Variants in PTCD1 observed in about 807,000 individuals in gnomAD.
PTCD1 encodes pentatricopeptide repeat domain 1, also known as pentatricopeptide repeat-containing protein 1, mitochondrial.
PTCD1 carries 50 observed loss-of-function variants against 53.4 expected under a neutral mutation model. The ratio of observed to expected loss-of-function variants is 0.94; its 90% CI spans 0.75 to 1.19. The LOEUF (loss-of-function observed/expected upper bound fraction) is 1.19. PTCD1 is among the 50% of genes most tolerant of loss of function. The pLI, the probability that PTCD1 is intolerant of heterozygous loss-of-function variation, is 0.00. For missense variants in PTCD1, 918 were observed against 904.8 expected (o/e 1.01, Z -0.19); for synonymous variants, 413 against 394.8 (o/e 1.05, Z -0.55).
At chr7:99,427,362 A>G (rs1796085478) in intron 5 of PTCD1, among the ~76,000 whole-genome samples, 1 of 139,934 alleles carries the variant, frequency 7.1e-6, no homozygotes, top group Non-Finnish European at 1.5e-5. Flanking sequence ...GTGGGGGGTC[A>G]GCCCCCCGCC....
rs763946361 is a variant in PTCD1 at position 99,417,501 on chromosome 7, A to G, written c.*2466T>C. On this transcript the variant is annotated 3_prime_UTR_variant, in exon 8 of 8. Coordinates refer to ENST00000292478, the MANE Select transcript of PTCD1 (RefSeq NM_015545.4). Reference sequence around the variant, plus strand: ...ATTGCAAAATGGAAAAAGCAAGGATATGAGAACTTGTGCTGCCTGCGGTGC... The same window carrying G: ...ATTGCAAAATGGAAAAAGCAAGGATGTGAGAACTTGTGCTGCCTGCGGTGC... 2 of 1,611,870 alleles carry G rather than the reference A, an allele frequency of 1.2e-6. No homozygotes were observed. The highest frequency in any genetic ancestry group is 1.7e-6 in the Non-Finnish European group (2 of 1,178,546).
At chr7:99,425,728 G>T in intron 5 of PTCD1, 112 bp from the exon 6 acceptor site, 1 of 1,397,344 alleles carries the variant, frequency 7.2e-7, no homozygotes, top group Non-Finnish European at 9.8e-7. Flanking sequence ...GATCCCTTGA[G>T]ATCAGGAGTT....
rs911202630 is a variant in PTCD1 at position 99,425,110 on chromosome 7, G to A, written c.1422C>T (p.Phe474=). The change falls in exon 6 of 8, where the codon TTC becomes TTT. Residue 474 remains phenylalanine (F), a synonymous_variant. Transcript: ENST00000292478. ...RLALIGGLEG[F]LSKMAEHRQQ... ...GCCTGTGCTCTGCCATCTTGCTCAG[G>A]AAGCCCTCCAGGCCCCCTATCAAGG... 6.2e-7 allele frequency: 1 copy of A among 1,614,026 alleles called. No individual in the cohort carries two copies. Among genetic ancestry groups the A allele is most frequent in the Non-Finnish European group, 8.5e-7 (1 of 1,179,998 alleles).
intron 3 of PTCD1, among the ~76,000 whole-genome samples, chr7:99,430,787 C>T (rs1357751002): frequency 6.6e-6 from 1 of 152,212 alleles, no homozygotes; most frequent in Non-Finnish European, 1.5e-5. Context: ...AAAACAGTAA[C>T]AAGGCTGGGT....
rs894877930 is a variant in PTCD1, at chr7:99,419,879, C to A, written c.*88G>T. ...GCTGTTCCTCAGGGCCTGGCTCTTC[C>A]CCCAGGCAGGAGGTGACACCAGCTC... is the stretch of plus-strand genomic sequence containing the variant. On this transcript the variant is annotated 3_prime_UTR_variant, in exon 8 of 8. Coordinates refer to ENST00000292478, the MANE Select transcript of PTCD1 (RefSeq NM_015545.4). 3 of 1,597,900 alleles carry A rather than the reference C, an allele frequency of 1.9e-6. No homozygotes were observed. The highest frequency in any genetic ancestry group is 1.1e-5 in the South Asian group (1 of 90,228).
intron 4 of PTCD1, 65 bp from the exon 5 acceptor site, chr7:99,429,269 C>CT: frequency 1.3e-6 from 2 of 1,589,300 alleles, no homozygotes; most frequent in Non-Finnish European, 1.7e-6. Context: ...TAGCTCATGT[C>CT]TGTAATCCTG....
chr7:99,429,483 C>G, intron 4 of PTCD1, 105 bp downstream of exon 4: 1 of 1,541,510 alleles, frequency 6.5e-7, no homozygotes, highest in Non-Finnish European at 8.9e-7. Context: ...GCTGTCTCAT[C>G]CTCCCTAAGC....
chr7:99,437,138 T>A (rs1441071901), intron 1 of PTCD1, among the ~76,000 whole-genome samples: 1 of 152,212 alleles, frequency 6.6e-6, no homozygotes, highest in Non-Finnish European at 1.5e-5. Context: ...AGTGTTGGGA[T>A]TGCAGGCGTA....
In PTCD1 at chr7:99,418,019, G is replaced by A. The variant is rs1445319021; in HGVS notation, c.*1948C>T. ...GTCTTGCTTTGTCGCCCAGGCTGGA[G>A]TGCAGTGATGCCATCTTGGCTCACT... On this transcript the variant is annotated 3_prime_UTR_variant, in exon 8 of 8. Coordinates refer to ENST00000292478, the MANE Select transcript of PTCD1 (RefSeq NM_015545.4). The A allele has an allele frequency of 8.7e-7, 1 of 1,145,054 alleles. No individual in the cohort carries two copies. The highest frequency in any genetic ancestry group is 1.1e-6 in the Non-Finnish European group (1 of 921,686). The allele number at this position is 1,145,054 out of a possible 1,614,324, so 70.9% of individuals were successfully genotyped here.
chr7:99,429,321 G>A (rs976365862), intron 4 of PTCD1, 117 bp from the exon 5 acceptor site: 4 of 1,358,418 alleles, frequency 2.9e-6, no homozygotes, highest in East Asian at 2.4e-5. Flanking sequence ...TTGAGGCCAG[G>A]AGTTTTGTGA....
chr7:99,416,995 C>T lies in PTCD1; in HGVS notation c.*2972G>A, dbSNP rs1053382926. On this transcript the variant is annotated 3_prime_UTR_variant, in exon 8 of 8. Transcript: ENST00000292478. ...GTGCTGGGATTACAGGTGTGAGGCA[C>T]CTTGCCTGGCCTAAGTACTTTTTTT... 4.1e-5 allele frequency: 7 copies of T among 170,674 alleles called. No homozygotes were observed. Among genetic ancestry groups the T allele is most frequent in the Non-Finnish European group, 6.4e-5 (5 of 78,510 alleles). The allele number at this position is 170,674 out of a possible 1,614,324, so 10.6% of individuals were successfully genotyped here.
chr7:99,434,120 G>A (rs189785073), intron 2 of PTCD1, among the ~76,000 whole-genome samples: 5 of 151,444 alleles, frequency 3.3e-5, no homozygotes, highest in African/African-American at 1.2e-4. Flanking sequence ...AAGACACACA[G>A]TATATCAAGT....
Position 99,419,839 on chromosome 7 carries a change from C to A in PTCD1, c.*128G>T. 1 of 1,512,954 alleles carries A rather than the reference C, an allele frequency of 6.6e-7. No individual in the cohort carries two copies. The highest frequency in any genetic ancestry group is 9.0e-7 in the Non-Finnish European group (1 of 1,112,244). 93.7% of individuals were successfully genotyped at this position (1,512,954 alleles called of 1,614,324 possible). On this transcript the variant is annotated 3_prime_UTR_variant, in exon 8 of 8. Coordinates refer to ENST00000292478, the MANE Select transcript of PTCD1 (RefSeq NM_015545.4). ...GCCTAGTGTGTGTCCTCACCAACAC[C>A]TGTGACACGCTGCGGCTGTTCCTCA...
rs1795565259 is a variant in PTCD1, at chr7:99,417,466, C to T, written c.*2501G>A. 6.2e-7 allele frequency: 1 copy of T among 1,612,344 alleles called. No homozygotes were observed. The highest frequency in any genetic ancestry group is 8.5e-7 in the Non-Finnish European group (1 of 1,179,382). ...ATTGTATTAAAGAAGGCTATGCAGACAAAAACCTGATTGCAAAATGGAAAA... is the reference window on the plus strand; with the variant it reads ...ATTGTATTAAAGAAGGCTATGCAGATAAAAACCTGATTGCAAAATGGAAAA... On this transcript the variant is annotated 3_prime_UTR_variant, in exon 8 of 8. Coordinates refer to ENST00000292478, the MANE Select transcript of PTCD1 (RefSeq NM_015545.4).
rs1477845818 is a variant in PTCD1 at position 99,419,053 on chromosome 7, G to C, written c.*914C>G. The C allele has an allele frequency of 6.3e-6, 2 of 317,200 alleles. No homozygotes were observed. The highest frequency in any genetic ancestry group is 1.6e-4 in the East Asian group (2 of 12,488). The allele number at this position is 317,200 out of a possible 1,614,324, so 19.6% of individuals were successfully genotyped here. A position where few individuals can be genotyped will look rare whatever the true frequency, so the allele number is the denominator to read the frequency against. The stretch of plus-strand genomic sequence containing the variant: ...CCCCTGAAGTCCCCAAACAGTAGCA[G>C]AGCCACGTCTGCTCATCGCAGGGTC... On this transcript the variant is annotated 3_prime_UTR_variant, in exon 8 of 8. Transcript: ENST00000292478.
chr7:99,427,812 C>T (rs946527696), intron 5 of PTCD1, among the ~76,000 whole-genome samples: 2 of 151,580 alleles, frequency 1.3e-5, no homozygotes, highest in Non-Finnish European at 2.9e-5. Flanking sequence ...TACCCCCAAC[C>T]CTGTGCTCTC....
intron 5 of PTCD1, 95 bp downstream of exon 5, chr7:99,429,008 T>G: frequency 1.4e-6 from 2 of 1,411,338 alleles, no homozygotes; most frequent in Non-Finnish European, 2.0e-6. Context: ...ATAAAAATAC[T>G]CAGCACAGGG....
intron 5 of PTCD1, among the ~76,000 whole-genome samples, chr7:99,427,263 G>T (rs1254420142): frequency 1.3e-5 from 2 of 148,962 alleles, no homozygotes; most frequent in African/African-American, 5.0e-5. Flanking sequence ...TGGGAAGTGA[G>T]GAGCCCCTCT....
chr7:99,424,613 C>A (rs1795946557), intron 6 of PTCD1, among the ~76,000 whole-genome samples, 182 bp downstream of exon 6: 2 of 152,228 alleles, frequency 1.3e-5, no homozygotes, highest in Non-Finnish European at 2.9e-5. Context: ...GAAGCACTCA[C>A]TGGGGTCTGC....
Sources: gnomAD v4.1 joint callset for allele counts (sites outside exome capture counted in the v4.1 genomes callset) on GRCh38, gnomAD v4.1.1 for gene constraint, MANE v1.5 for transcripts, NCBI Gene and HGNC (gene_info 2026-07-23, HGNC 2026-07-21) for gene names.